The following HJURP variants were observed in gnomAD, a reference collection of about 807,000 sequenced individuals.
HJURP encodes Holliday junction recognition protein, also known as 14-3-3-associated AKT substrate.
A neutral mutation model predicts 72.0 loss-of-function variants in HJURP; 49 were observed. The observed-to-expected ratio is 0.68, with a 90% CI of 0.54 to 0.86. HJURP has a LOEUF of 0.86. Among genes scored for constraint, HJURP ranks in the 40% least tolerant of loss-of-function variants. The pLI is 0.00. For missense variants in HJURP, 908 were observed against 936.3 expected (o/e 0.97, Z 0.39); for synonymous variants, 357 against 347.1 (o/e 1.03, Z -0.32).
chr2:233,852,659 T>C, intron 2 of HJURP, 39 bp from the exon 3 acceptor site: 1 of 1,417,154 alleles, frequency 7.1e-7, no homozygotes. Flanking sequence ...TACATAATCC[T>C]GAACGCTGAA....
intron 3 of HJURP, among the ~76,000 whole-genome samples, chr2:233,851,500 C>A (rs1023807816): frequency 5.3e-5 from 8 of 152,170 alleles, no homozygotes; most frequent in Admixed American, 1.3e-4. Flanking sequence ...AGTGTGCTGA[C>A]CCTTATTTAT....
At position 233,841,991 on chromosome 2, in the gene HJURP, C is replaced by G. The variant is rs1393627826; in HGVS notation, c.789G>C (p.Leu263=). The change falls in exon 8 of 9, where the codon CTG becomes CTC. Residue 263 remains leucine, a synonymous_variant. Transcript: ENST00000411486. The stretch of plus-strand genomic sequence containing the variant: ...TCATGGAGTGCAGCATCCCTGCGTA[C>G]AGGTCACTGATGGTCACATTGCAAA... ...DDICNVTISD[L]YAGMLHSMSR... is the part of the protein sequence containing the mutation. 17 of 1,614,094 alleles carry G rather than the reference C, an allele frequency of 1.1e-5. No homozygotes were observed. Among genetic ancestry groups the G allele is most frequent in the Non-Finnish European group, 1.4e-5 (16 of 1,180,046 alleles).
Position 233,841,639 on chromosome 2 carries a change from G to C in HJURP, c.1141C>G (p.Pro381Ala). Residue 381 changes from proline to alanine, a missense_variant, in exon 8 of 9, where the codon CCC (proline) becomes GCC (alanine). Around this residue, in one of 3 missense-constraint regions of HJURP, gnomAD observed 598 missense variants for 619.5 expected, o/e 0.97. Coordinates refer to ENST00000411486, the MANE Select transcript of HJURP (RefSeq NM_018410.5). ...DPSWKERKVT[P>A]SKYSSLIYFD... The stretch of plus-strand genomic sequence containing the variant: ...TAAATCAAGGAAGAATACTTCGAGG[G>C]TGTCACTTTGCGCTCCTTCCAACTT... 6.2e-7 allele frequency: 1 copy of C among 1,614,182 alleles called. No individual in the cohort carries two copies. The highest frequency in any genetic ancestry group is 8.5e-7 in the Non-Finnish European group (1 of 1,179,998).
chr2:233,851,960 G>C (rs892169781), intron 3 of HJURP, among the ~76,000 whole-genome samples: 2 of 152,088 alleles, frequency 1.3e-5, no homozygotes, highest in Non-Finnish European at 2.9e-5. Context: ...CCTGGCAAAA[G>C]CCACTGTGGC....
In HJURP at chr2:233,841,983, C is replaced by T; in HGVS notation, c.797G>A (p.Gly266Glu). Residue 266 changes from glycine (G) to glutamate (E), a missense_variant, in exon 8 of 9, where the codon GGG becomes GAG. Physicochemically the swap from Gly to Glu is moderately conservative, Grantham distance 98. Coordinates refer to ENST00000411486, the MANE Select transcript of HJURP (RefSeq NM_018410.5). ...CNVTISDLYA[G>E]MLHSMSRLLS... ...CAGCCGGCTCATGGAGTGCAGCATC[C>T]CTGCGTACAGGTCACTGATGGTCAC... is the stretch of plus-strand genomic sequence containing the variant. The T allele has an allele frequency of 6.2e-7, 1 of 1,614,160 alleles. No homozygotes were observed. Among genetic ancestry groups the T allele is most frequent in the Non-Finnish European group, 8.5e-7 (1 of 1,180,026 alleles).
intron 3 of HJURP, 150 bp downstream of exon 3, chr2:233,852,415 T>C (rs1477483107): frequency 1.6e-6 from 1 of 608,048 alleles, no homozygotes; most frequent in African/African-American, 1.8e-5. Flanking sequence ...TGCTTCTAAA[T>C]CCTTAAAAAC....
intron 6 of HJURP, among the ~76,000 whole-genome samples, chr2:233,844,927 G>T (rs1402793529): frequency 6.6e-6 from 1 of 152,134 alleles, no homozygotes; most frequent in Non-Finnish European, 1.5e-5. Flanking sequence ...TTAAGAGAGG[G>T]GTTGGCAGGT....
Position 233,837,412 on chromosome 2 carries a change from C to A in HJURP, c.*165G>T. 1.8e-6 allele frequency: 1 copy of A among 569,120 alleles called. No individual in the cohort carries two copies. Among genetic ancestry groups the A allele is most frequent in the Admixed American group, 3.5e-5 (1 of 28,648 alleles). 35.3% of individuals were successfully genotyped at this position (569,120 alleles called of 1,614,324 possible). ...TTGAGCAACTTTATTCACATAATTT[C>A]TACACCAAGAACTCGAGGTTATCTC... On this transcript the variant is annotated 3_prime_UTR_variant, in exon 9 of 9. Transcript: ENST00000411486.
At chr2:233,854,230 C>T (rs1277894134) in intron 1 of HJURP, among the ~76,000 whole-genome samples, 154 bp downstream of exon 1, 1 of 152,204 alleles carries the variant, frequency 6.6e-6, no homozygotes, top group African/African-American at 2.4e-5. Flanking sequence ...CCCCCAGCTC[C>T]GCCTCCACCT....
intron 3 of HJURP, among the ~76,000 whole-genome samples, chr2:233,852,226 C>T (rs2124978541): frequency 6.6e-6 from 1 of 152,288 alleles, no homozygotes; most frequent in East Asian, 1.9e-4. Flanking sequence ...TGTAAGGACC[C>T]AAACAAAGTG....
rs998697710 is a variant in HJURP, at chr2:233,843,643, A to T, written c.574+562T>A. The stretch of plus-strand genomic sequence containing the variant: ...CTCTTGATGGAGGGAGACTAAACGC[A>T]ACGGTGGTACCAGCCTGAGTGGGTC... On this transcript the variant is annotated intron_variant, in intron 7 of 8. Transcript: ENST00000411486. Among the ~76,000 whole-genome samples the T allele has an allele frequency of 3.4e-4, 52 of 152,188 alleles. 3 individuals are homozygous for T. The highest frequency in any genetic ancestry group is 4.4e-5 in the Non-Finnish European group (3 of 68,030).
chr2:233,842,305 T>C, intron 7 of HJURP, 100 bp from the exon 8 acceptor site: 4 of 1,040,288 alleles, frequency 3.8e-6, no homozygotes, highest in Non-Finnish European at 5.5e-6. Flanking sequence ...ACTATGTTTT[T>C]TTAAGCAATA....
chr2:233,848,307 G>A (rs1300383141), intron 4 of HJURP, among the ~76,000 whole-genome samples: 1 of 152,188 alleles, frequency 6.6e-6, no homozygotes, highest in African/African-American at 2.4e-5. Context: ...GTTCCAGCCT[G>A]GGGATCACAG....
At chr2:233,838,751 T>C (rs1360049922) in intron 8 of HJURP, among the ~76,000 whole-genome samples, 1 of 152,198 alleles carries the variant, frequency 6.6e-6, no homozygotes, top group Non-Finnish European at 1.5e-5. Flanking sequence ...GGTCATCTGT[T>C]AAACAGAACG....
In HJURP at chr2:233,840,967, T is replaced by A. The variant is rs751789356; in HGVS notation, c.1813A>T (p.Ile605Phe). 5.6e-6 allele frequency: 9 copies of A among 1,614,036 alleles called. No homozygotes were observed. The highest frequency in any genetic ancestry group is 3.4e-6 in the Non-Finnish European group (4 of 1,180,030). Residue 605 changes from isoleucine to phenylalanine, a missense_variant, in exon 8 of 9, where the codon ATT (isoleucine) becomes TTT (phenylalanine). Around this residue, in one of 3 missense-constraint regions of HJURP, gnomAD observed 598 missense variants for 619.5 expected, o/e 0.97. Coordinates refer to ENST00000411486, the MANE Select transcript of HJURP (RefSeq NM_018410.5). ...SPGQMTVPLC[I>F]GVSTDKASME... ...CTTGCTTTATCTGTAGACACTCCAA[T>A]ACATAAAGGCACTGTCATCTGCCCA...
In HJURP at chr2:233,842,086, C is replaced by T. The variant is rs1180040253; in HGVS notation, c.694G>A (p.Asp232Asn). Reference protein sequence around the residue: ...STDMALVPRNDSLSLQETSSS... With the variant: ...STDMALVPRNNSLSLQETSSS... Reference sequence around the variant, plus strand: ...CTGGTCTCTTGTAGGGAGAGGCTGTCATTTCTAGGTACTAAGGCCATGTCT... The same window carrying T: ...CTGGTCTCTTGTAGGGAGAGGCTGTTATTTCTAGGTACTAAGGCCATGTCT... The change falls in exon 8 of 9, where the codon GAC (aspartate) becomes AAC (asparagine). Residue 232 changes from aspartate to asparagine, a missense_variant. By Grantham distance (23) the Asp-to-Asn change is conservative (BLOSUM62 1). This residue lies in a region of HJURP where 11 missense variants were observed against 30.1 expected (regional missense o/e 0.37). Transcript: ENST00000411486. 3 of 1,614,048 alleles carry T rather than the reference C, an allele frequency of 1.9e-6. No homozygotes were observed. The highest frequency in any genetic ancestry group is 2.7e-5 in the African/African-American group (2 of 74,914).
In HJURP at chr2:233,841,987, C is replaced by T. The variant is rs142023184; in HGVS notation, c.793G>A (p.Ala265Thr). The T allele has an allele frequency of 2.7e-5, 43 of 1,614,156 alleles. No individual in the cohort carries two copies. The highest frequency in any genetic ancestry group is 1.2e-4 in the African/African-American group (9 of 75,034). ...CGGCTCATGGAGTGCAGCATCCCTG[C>T]GTACAGGTCACTGATGGTCACATTG... Reference protein sequence around the residue: ...ICNVTISDLYAGMLHSMSRLL... With the variant: ...ICNVTISDLYTGMLHSMSRLL... The change falls in exon 8 of 9, where the codon GCA (alanine) becomes ACA (threonine). Residue 265 changes from alanine to threonine, a missense_variant. Physicochemically the swap from Ala to Thr is moderately conservative, Grantham distance 58. Coordinates refer to ENST00000411486, the MANE Select transcript of HJURP (RefSeq NM_018410.5).
chr2:233,840,458 G>A (rs1705191223), intron 8 of HJURP, 151 bp downstream of exon 8: 2 of 781,562 alleles, frequency 2.6e-6, no homozygotes, highest in Non-Finnish European at 4.1e-6. Context: ...GGAAGGAAAA[G>A]CATTTGGGAG....
intron 3 of HJURP, among the ~76,000 whole-genome samples, chr2:233,850,192 T>C (rs1315347169): frequency 1.3e-5 from 2 of 152,110 alleles, no homozygotes; most frequent in Admixed American, 6.5e-5. Flanking sequence ...AAAAGCCAAA[T>C]TGAAACAGAA....
Sources: gnomAD v4.1 joint callset for allele counts (sites outside exome capture counted in the v4.1 genomes callset) on GRCh38, gnomAD v4.1.1 for gene constraint, gnomAD v4.1.1 regional missense constraint, MANE v1.5 for transcripts, NCBI Gene and HGNC (gene_info 2026-07-23, HGNC 2026-07-21) for gene names.